NOS1AP: variants seen among roughly 807,000 people sequenced by gnomAD.
The protein encoded by NOS1AP is carboxyl-terminal PDZ ligand of neuronal nitric oxide synthase protein.
In NOS1AP, 21 loss-of-function variants were observed where a neutral mutation model predicts 56.2. The ratio of observed to expected loss-of-function variants is 0.37; its 90% CI spans 0.26 to 0.54. NOS1AP has a LOEUF of 0.54. Ranked by LOEUF, NOS1AP falls within the 20% of genes least tolerant of loss-of-function variation. NOS1AP has a pLI of 0.84. For missense variants in NOS1AP, 522 were observed against 657.8 expected (o/e 0.79, Z 2.26); for synonymous variants, 270 against 274.6 (o/e 0.98, Z 0.17).
At chr1:162,185,407 C>T (rs1226153658) in intron 2 of NOS1AP, among the ~76,000 whole-genome samples, 1 of 152,194 alleles carries the variant, frequency 6.6e-6, no homozygotes, top group Non-Finnish European at 1.5e-5. Context: ...CATAATTCCG[C>T]CCTACTTCCT....
chr1:162,148,893 A>C (rs1040831196), intron 1 of NOS1AP, among the ~76,000 whole-genome samples: 3 of 151,994 alleles, frequency 2.0e-5, no homozygotes. Context: ...AGGGGAGAGA[A>C]TTGGGAGGTC....
At chr1:162,297,886 A>T (rs1251253198) in intron 3 of NOS1AP, among the ~76,000 whole-genome samples, 1 of 152,106 alleles carries the variant, frequency 6.6e-6, no homozygotes, top group Non-Finnish European at 1.5e-5. Context: ...GAACTTAGGG[A>T]CTCACAAATT....
At chr1:162,154,064 A>G (rs563734186) in intron 1 of NOS1AP, among the ~76,000 whole-genome samples, 2 of 151,446 alleles carry the variant, frequency 1.3e-5, no homozygotes, top group Non-Finnish European at 2.9e-5. Context: ...CCAATTTTAC[A>G]GTTGAGGAAA....
At chr1:162,244,674 T>G (rs567438883) in intron 2 of NOS1AP, among the ~76,000 whole-genome samples, 17 of 152,200 alleles carry the variant, frequency 1.1e-4, no homozygotes, top group Non-Finnish European at 2.5e-4. Context: ...AGTTTCCAGA[T>G]AATTCTTCGT....
At chr1:162,259,769 G>A (rs1654150904) in intron 2 of NOS1AP, among the ~76,000 whole-genome samples, 1 of 152,154 alleles carries the variant, frequency 6.6e-6, no homozygotes, top group Admixed American at 6.5e-5. Context: ...TTTAAGAAAA[G>A]TTAAATTTCT....
chr1:162,357,674 T>C (rs1409662861), intron 8 of NOS1AP, among the ~76,000 whole-genome samples: 1 of 152,026 alleles, frequency 6.6e-6, no homozygotes, highest in African/African-American at 2.4e-5. Context: ...GAATTCATTA[T>C]TGTAGGATTT....
intron 5 of NOS1AP, among the ~76,000 whole-genome samples, chr1:162,341,242 A>T (rs1014949269): frequency 1.3e-5 from 2 of 152,308 alleles, no homozygotes; most frequent in African/African-American, 4.8e-5. Flanking sequence ...GAGATGATGG[A>T]ATTTGTAACA....
intron 1 of NOS1AP, among the ~76,000 whole-genome samples, chr1:162,147,532 C>A (rs945150301): frequency 6.6e-6 from 1 of 151,960 alleles, no homozygotes; most frequent in Non-Finnish European, 1.5e-5. Flanking sequence ...GATTCGTGTA[C>A]CAGGGGCCAC....
chr1:162,363,437 G>T (rs759802250), intron 8 of NOS1AP: 1 of 152,622 alleles, frequency 6.6e-6, no homozygotes, highest in Non-Finnish European at 1.5e-5. Flanking sequence ...TCAGCTGCCC[G>T]GCAGCTCCCC....
At chr1:162,300,082 G>T (rs1410689588) in intron 3 of NOS1AP, among the ~76,000 whole-genome samples, 1 of 152,086 alleles carries the variant, frequency 6.6e-6, no homozygotes, top group Non-Finnish European at 1.5e-5. Context: ...TGACAAAGGC[G>T]GATGAAGGTA....
chr1:162,303,307 C>A (rs1655719855), intron 4 of NOS1AP, among the ~76,000 whole-genome samples: 1 of 152,354 alleles, frequency 6.6e-6, no homozygotes, highest in African/African-American at 2.4e-5. Context: ...CAGTGGTGTA[C>A]AAGAGTCCCA....
chr1:162,083,341 AT>A (rs1691933264), intron 1 of NOS1AP, among the ~76,000 whole-genome samples: 2 of 152,162 alleles, frequency 1.3e-5, no homozygotes, highest in Admixed American at 1.3e-4. Context: ...CAGATAACAT[AT>A]TATCTTGAGT....
intron 2 of NOS1AP, among the ~76,000 whole-genome samples, chr1:162,197,594 C>G (rs1190532320): frequency 6.6e-6 from 1 of 152,108 alleles, no homozygotes; most frequent in Non-Finnish European, 1.5e-5. Context: ...GGAGAAAGAG[C>G]CTGGAACACA....
intron 1 of NOS1AP, among the ~76,000 whole-genome samples, chr1:162,118,214 C>G (rs899752345): frequency 6.6e-6 from 1 of 152,176 alleles, no homozygotes; most frequent in Non-Finnish European, 1.5e-5. Context: ...GCGGTAAACA[C>G]AGTACCCAAC....
chr1:162,174,050 C>T (rs1221198297), intron 2 of NOS1AP, among the ~76,000 whole-genome samples: 1 of 152,132 alleles, frequency 6.6e-6, no homozygotes, highest in African/African-American at 2.4e-5. Context: ...CCAGCCATCC[C>T]ATTACTGGGT....
At chr1:162,150,592 G>A (rs888853980) in intron 1 of NOS1AP, among the ~76,000 whole-genome samples, 5 of 152,046 alleles carry the variant, frequency 3.3e-5, no homozygotes, top group African/African-American at 1.2e-4. Flanking sequence ...AGTATACGAG[G>A]GTTCTTTTTT....
At chr1:162,128,448 C>T (rs954854859) in intron 1 of NOS1AP, among the ~76,000 whole-genome samples, 7 of 152,032 alleles carry the variant, frequency 4.6e-5, no homozygotes, top group Non-Finnish European at 8.8e-5. Flanking sequence ...TAGTTCAATT[C>T]TAATCACAAA....
At chr1:162,110,926 A>G (rs968242862) in intron 1 of NOS1AP, among the ~76,000 whole-genome samples, 2 of 152,234 alleles carry the variant, frequency 1.3e-5, no homozygotes, top group Non-Finnish European at 2.9e-5. Context: ...GTAGCCATTA[A>G]GTCACTCACT....
chr1:162,366,994 C>A, intron 9 of NOS1AP, 58 bp from the exon 10 acceptor site: 1 of 1,606,528 alleles, frequency 6.2e-7, no homozygotes. Context: ...AGGCGGGCAT[C>A]CCAAATCAAC....
Sources: allele counts gnomAD v4.1 joint callset (sites outside exome capture counted in the v4.1 genomes callset), GRCh38; gene constraint gnomAD v4.1.1; transcripts MANE v1.5; gene names NCBI Gene and HGNC (gene_info 2026-07-23, HGNC 2026-07-21).